Variants in EGFLAM observed in about 807,000 individuals in gnomAD.
The protein encoded by EGFLAM is pikachurin.
In EGFLAM, 79 loss-of-function variants were observed where a neutral mutation model predicts 113.1. The observed-to-expected ratio is 0.70, with a 90% confidence interval of 0.58 to 0.84. The LOEUF is 0.84. Among genes scored for constraint, EGFLAM ranks in the 40% least tolerant of loss-of-function variants. The pLI is 0.00. For missense variants in EGFLAM, 1,265 were observed against 1,291.6 expected, an observed-to-expected ratio of 0.98 and a Z score of 0.32; for synonymous variants, 504 against 487.6, an observed-to-expected ratio of 1.03 and a Z score of -0.44.
At chr5:38,284,398 G>A (rs1383775623) in intron 1 of EGFLAM, among the ~76,000 whole-genome samples, 1 of 152,074 alleles carries the variant, frequency 6.6e-6, no homozygotes, top group African/African-American at 2.4e-5. Context: ...CAACTACTCA[G>A]CTCCACCATT....
At chr5:38,411,439 AAAG>A (rs1241938945) in intron 10 of EGFLAM, among the ~76,000 whole-genome samples, 11 of 152,098 alleles carry the variant, frequency 7.2e-5, no homozygotes, top group African/African-American at 2.7e-4. Flanking sequence ...AAAGAAAAGA[AAAG>A]AAAACGGGAA....
intron 1 of EGFLAM, among the ~76,000 whole-genome samples, chr5:38,292,223 A>G (rs1309847358): frequency 3.3e-5 from 5 of 152,210 alleles, no homozygotes; most frequent in Non-Finnish European, 5.9e-5. Context: ...AATTTCCTGC[A>G]CAGCAAATTT....
chr5:38,350,666 C>A, intron 4 of EGFLAM, 48 bp downstream of exon 4: 1 of 1,541,910 alleles, frequency 6.5e-7, no homozygotes, highest in Non-Finnish European at 8.9e-7. Flanking sequence ...GCTATCCATG[C>A]ATCCTTCATT....
At chr5:38,347,655 G>T (rs1739509425) in intron 3 of EGFLAM, among the ~76,000 whole-genome samples, 1 of 152,168 alleles carries the variant, frequency 6.6e-6, no homozygotes, top group Non-Finnish European at 1.5e-5. Flanking sequence ...GCCCTGCCAA[G>T]TTCTTAAGTA....
chr5:38,409,131 C>CT, intron 10 of EGFLAM, 27 bp downstream of exon 10: 2 of 1,511,472 alleles, frequency 1.3e-6, no homozygotes, highest in Non-Finnish European at 1.8e-6. Context: ...GCCTCACACT[C>CT]TTTTTTTGTT....
intron 6 of EGFLAM, among the ~76,000 whole-genome samples, chr5:38,388,917 G>GA (rs770527595): frequency 4.7e-3 from 286 of 61,002 alleles, no homozygotes; most frequent in Middle Eastern, 0.011. Flanking sequence ...CCTGTCTCAA[G>GA]AAAAAAAAAA....
chr5:38,315,168 C>G (rs1001980391), intron 1 of EGFLAM, among the ~76,000 whole-genome samples: 4 of 152,044 alleles, frequency 2.6e-5, no homozygotes, highest in Admixed American at 2.6e-4. Context: ...GTCTTATTAT[C>G]CTATCTCTTT....
At chr5:38,429,674 T>C (rs1742126390) in intron 14 of EGFLAM, among the ~76,000 whole-genome samples, 1 of 152,156 alleles carries the variant, frequency 6.6e-6, no homozygotes, top group Non-Finnish European at 1.5e-5. Context: ...TATCAGAAAA[T>C]ATGGAATCTA....
intron 6 of EGFLAM, among the ~76,000 whole-genome samples, chr5:38,404,626 A>G (rs1012860030): frequency 6.6e-6 from 1 of 152,146 alleles, no homozygotes; most frequent in Admixed American, 6.5e-5. Flanking sequence ...TATGTTTTTT[A>G]TGCTTTTTAT....
chr5:38,416,345 A>G (rs1741641915), intron 11 of EGFLAM, among the ~76,000 whole-genome samples: 1 of 152,238 alleles, frequency 6.6e-6, no homozygotes, highest in Non-Finnish European at 1.5e-5. Context: ...TATCAGCAAG[A>G]GTGAGATCTC....
chr5:38,391,175 C>T lies in EGFLAM; in HGVS notation c.713-14951C>T, dbSNP rs79155611. Among the ~76,000 whole-genome samples the T allele has an allele frequency of 1.5e-3, 222 of 152,188 alleles. 1 individual carries two copies. The East Asian group carries it at 0.038, about 26-fold the overall frequency. ...AATTCACTTTTATATGGAGAGCCTA[C>T]TTTAATAATTTTTTTCCCCATATAG... is the stretch of plus-strand genomic sequence containing the variant. On this transcript the variant is annotated intron_variant, in intron 6 of 21. Coordinates refer to ENST00000322350, the MANE Select transcript of EGFLAM (RefSeq NM_152403.4).
Position 38,451,320 on chromosome 5 carries a change from C to G in EGFLAM, c.2549C>G (p.Ser850Ter), listed in dbSNP as rs774283779. The stretch of plus-strand genomic sequence containing the variant: ...TATTTGTGTATTTCCTCCAGGGTGT[C>G]AGGATCAAGATCAAATGTGTTCATG... ...YDNPDILKRVSGSRSNVFMRF... is the reference protein window; with the variant it reads ...YDNPDILKRV The change falls in exon 19 of 22, where the codon TCA becomes TGA. Residue 850 changes from serine (S) to a stop codon, truncating the protein, a stop_gained. Transcript: ENST00000322350. LOFTEE classifies it high-confidence loss of function. 1.2e-6 allele frequency: 2 copies of G among 1,612,876 alleles called. No homozygotes were observed. The highest frequency in any genetic ancestry group is 1.7e-6 in the Non-Finnish European group (2 of 1,179,238).
At chr5:38,307,740 T>G (rs1758760370) in intron 1 of EGFLAM, among the ~76,000 whole-genome samples, 1 of 152,244 alleles carries the variant, frequency 6.6e-6, no homozygotes, top group South Asian at 2.1e-4. Flanking sequence ...GATCTTTCTC[T>G]TTGCATGTCA....
chr5:38,413,127 T>C (rs1010357939), intron 11 of EGFLAM, among the ~76,000 whole-genome samples: 2 of 150,350 alleles, frequency 1.3e-5, no homozygotes, highest in African/African-American at 4.9e-5. Context: ...GTTCAAACCA[T>C]CCCGCCTCAG....
Position 38,454,191 on chromosome 5 carries a change from C to T in EGFLAM, c.2687+2733C>T, listed in dbSNP as rs945948471. The stretch of plus-strand genomic sequence containing the variant: ...ATGCTGATGTAGGGAAGCGTACCGG[C>T]GGGCTGGGGACAGAGAGGAATTCCA... On this transcript the variant is annotated intron_variant, in intron 19 of 21. Transcript: ENST00000322350. Among the ~76,000 whole-genome samples the T allele has an allele frequency of 3.9e-5, 6 of 152,148 alleles. No individual in the cohort carries two copies. The South Asian group carries it at 6.2e-4, about 16-fold the overall frequency.
rs1376264379 is a variant in EGFLAM at position 38,324,048 on chromosome 5, A to C, written c.98-13472A>C. On this transcript the variant is annotated intron_variant, in intron 1 of 21. Coordinates refer to ENST00000322350, the MANE Select transcript of EGFLAM (RefSeq NM_152403.4). ...GAATGAAACTCCATCTCAAACAAAA[A>C]AAAAAAAAAAAAAAAGCTTTACTTG... Among the ~76,000 whole-genome samples the C allele has an allele frequency of 2.6e-5, 4 of 151,652 alleles. No homozygotes were observed. In the South Asian group the frequency reaches 8.3e-4, roughly 32 times the overall value.
rs775099439 is a variant in EGFLAM at position 38,418,091 on chromosome 5, G to A, written c.1520G>A (p.Arg507Gln). 1.3e-5 allele frequency: 21 copies of A among 1,613,656 alleles called. No individual in the cohort carries two copies. The highest frequency in any genetic ancestry group is 6.7e-5 in the Admixed American group (4 of 59,958). The change falls in exon 12 of 22, where the codon CGG becomes CAG. Residue 507 changes from arginine to glutamine, a missense_variant. Coordinates refer to ENST00000322350, the MANE Select transcript of EGFLAM (RefSeq NM_152403.4). ...GGCCAATACAGTAAAATTACTTTCC[G>A]GACACCTCTCTATCTTGGTGGCGCT... Reference protein sequence around the residue: ...SQGQYSKITFRTPLYLGGAPS... With the variant: ...SQGQYSKITFQTPLYLGGAPS...
chr5:38,333,916 GTTTTTTTTTTTTTT>G (rs70978880), intron 1 of EGFLAM, among the ~76,000 whole-genome samples: 1 of 29,276 alleles, frequency 3.4e-5, no homozygotes, highest in Non-Finnish European at 5.7e-5. Context: ...ATTGTTGAGG[GTTTTTTTTTTTTTT>G]TTTTTTTTTT....
intron 20 of EGFLAM, among the ~76,000 whole-genome samples, chr5:38,460,204 C>G (rs1416450260): frequency 6.6e-6 from 1 of 152,254 alleles, no homozygotes; most frequent in Non-Finnish European, 1.5e-5. Flanking sequence ...ACACCCTTCT[C>G]CCAGTTTCCT....
Sources: gnomAD v4.1 joint callset for allele counts (sites outside exome capture counted in the v4.1 genomes callset) on GRCh38, gnomAD v4.1.1 for gene constraint, MANE v1.5 for transcripts, NCBI Gene and HGNC (gene_info 2026-07-23, HGNC 2026-07-21) for gene names.